Variants in CR1L observed in about 807,000 individuals in gnomAD.
The protein encoded by CR1L is complement C3b/C4b receptor 1 like, also known as complement component receptor 1-like protein.
Under a neutral mutation model 62.3 loss-of-function variants are expected in CR1L, and 59 were observed. That is an observed-to-expected ratio of 0.95 (90% CI 0.77 to 1.18). The LOEUF (loss-of-function observed/expected upper bound fraction) is 1.18. Among genes scored for constraint, CR1L ranks in the 50% most tolerant of loss-of-function variants. CR1L has a pLI of 0.00. For synonymous variants in CR1L, 279 were observed against 248.7 expected (o/e 1.12, Z -1.15); for missense variants, 700 against 702.8 (o/e 1.00, Z 0.04).
Position 207,656,224 on chromosome 1 carries a change from C to A in CR1L, c.97+10894C>A, listed in dbSNP as rs542063411. Among the ~76,000 whole-genome samples, 5 of 151,778 alleles carry A rather than the reference C, an allele frequency of 3.3e-5. No individual in the cohort carries two copies. The South Asian group carries it at 8.4e-4, about 25-fold the overall frequency. On this transcript the variant is annotated intron_variant, in intron 1 of 11. Coordinates refer to ENST00000508064, the MANE Select transcript of CR1L (RefSeq NM_175710.2). Reference sequence around the variant, plus strand: ...CTGCACTCCAGCCTGGGCGACAGAGCGAGATTCCGTCTCAAAATCAATCAA... The same window carrying A: ...CTGCACTCCAGCCTGGGCGACAGAGAGAGATTCCGTCTCAAAATCAATCAA...
Position 207,670,555 on chromosome 1 carries a change from A to G in CR1L, c.98-6834A>G, listed in dbSNP as rs1048760316. Among the ~76,000 whole-genome samples the G allele has an allele frequency of 3.7e-4, 56 of 150,826 alleles. 4 individuals carry two copies. The highest frequency in any genetic ancestry group is 1.4e-3 in the African/African-American group (56 of 40,196). ...CTGGCAACATCTCACTTGAAGTGAC[A>G]GTTTTGGTTGTTTTGGTCCTGTCTC... is the stretch of plus-strand genomic sequence containing the variant. On this transcript the variant is annotated intron_variant, in intron 1 of 11. Transcript: ENST00000508064.
intron 1 of CR1L, among the ~76,000 whole-genome samples, chr1:207,647,237 G>C (rs746510621): frequency 2.6e-5 from 4 of 152,170 alleles, no homozygotes; most frequent in Admixed American, 6.5e-5. Context: ...ACAAATGACT[G>C]GGGGGAGGGA....
intron 10 of CR1L, chr1:207,709,260 TG>T (rs60661991): frequency 0.028 from 4,440 of 158,634 alleles, 208 homozygotes; most frequent in African/African-American, 0.1. Flanking sequence ...AAAAATTAAA[TG>T]GGCATACTGG....
chr1:207,672,312 G>T (rs1663626469), intron 1 of CR1L, among the ~76,000 whole-genome samples: 1 of 150,386 alleles, frequency 6.6e-6, no homozygotes, highest in African/African-American at 2.5e-5. Context: ...TGATAAAGGG[G>T]CTAATTCTCC....
intron 9 of CR1L, among the ~76,000 whole-genome samples, chr1:207,702,567 G>A (rs571876206): frequency 2.6e-5 from 4 of 152,196 alleles, no homozygotes; most frequent in Non-Finnish European, 4.4e-5. Flanking sequence ...GAGTTGCAAA[G>A]GCAAAGCAAA....
chr1:207,684,526 A>G (rs1345513587), intron 4 of CR1L, among the ~76,000 whole-genome samples: 1 of 152,238 alleles, frequency 6.6e-6, no homozygotes, highest in African/African-American at 2.4e-5. Context: ...TAACCTAAAT[A>G]TTTTAAACTA....
chr1:207,669,632 C>A, intron 1 of CR1L: 1 of 992,744 alleles, frequency 1.0e-6, no homozygotes, highest in South Asian at 1.5e-5. Flanking sequence ...GCAGAGAACT[C>A]GCGTGCCGCG....
At chr1:207,693,569 G>C (rs767090736) in intron 4 of CR1L, among the ~76,000 whole-genome samples, 48 of 152,280 alleles carry the variant, frequency 3.2e-4, no homozygotes, top group Middle Eastern at 3.4e-3. Context: ...TGGTCTGTAT[G>C]TTTAACATGC....
chr1:207,713,360 G>T (rs1402264885), intron 10 of CR1L, among the ~76,000 whole-genome samples: 1 of 152,232 alleles, frequency 6.6e-6, no homozygotes, highest in African/African-American at 2.4e-5. Context: ...AATAGTGTAT[G>T]AATAACTATG....
intron 1 of CR1L, among the ~76,000 whole-genome samples, chr1:207,663,034 G>A (rs1663450079): frequency 1.3e-5 from 2 of 152,312 alleles, no homozygotes; most frequent in Admixed American, 6.5e-5. Context: ...TACCCGCTGT[G>A]TGAGGTGTCA....
rs567466486 is a variant in CR1L at position 207,676,143 on chromosome 1, A to G, written c.98-1246A>G. 3.3e-5 allele frequency among the ~76,000 whole-genome samples: 5 copies of G among 152,342 alleles called. No individual in the cohort carries two copies. The South Asian group carries it at 1.0e-3, about 32-fold the overall frequency. ...CTACAACACAGGCACTTACTGATTA[A>G]CTAAAATTTGAAGCTGTGAATTGCA... On this transcript the variant is annotated intron_variant, in intron 1 of 11. Transcript: ENST00000508064.
At chr1:207,708,058 G>A (rs1664296848) in intron 9 of CR1L, 120 bp from the exon 10 acceptor site, 5 of 1,221,840 alleles carry the variant, frequency 4.1e-6, no homozygotes, top group South Asian at 2.6e-5. Flanking sequence ...AATAGGTAAA[G>A]TTTAGGCTAG....
At chr1:207,649,385 C>T (rs1054138850) in intron 1 of CR1L, among the ~76,000 whole-genome samples, 1 of 152,204 alleles carries the variant, frequency 6.6e-6, no homozygotes, top group Non-Finnish European at 1.5e-5. Context: ...ACAGGCTTGT[C>T]AGGAATAAAC....
intron 1 of CR1L, chr1:207,652,750 C>CTTTTTTTTTTTT: frequency 1.5e-6 from 1 of 659,104 alleles, no homozygotes. Context: ...ATAAACTAGC[C>CTTTTTTTTTTTT]TTTTTTTTTT....
chr1:207,699,712 C>G (rs1372699912), intron 8 of CR1L, among the ~76,000 whole-genome samples: 1 of 151,896 alleles, frequency 6.6e-6, no homozygotes, highest in African/African-American at 2.4e-5. Context: ...TTTGATAATA[C>G]TCAAGTATCA....
chr1:207,660,556 T>C (rs1663403644), intron 1 of CR1L, among the ~76,000 whole-genome samples: 1 of 152,260 alleles, frequency 6.6e-6, no homozygotes. Context: ...TTAGTCTTGC[T>C]AGCAGTCTAT....
At chr1:207,677,291 G>A (rs1348256738) in intron 1 of CR1L, 98 bp from the exon 2 acceptor site, 15 of 1,174,494 alleles carry the variant, frequency 1.3e-5, no homozygotes, top group Non-Finnish European at 1.2e-5. Context: ...CTGGGTGACA[G>A]AGGGAGACTC....
At chr1:207,719,870 T>C (rs1371958495) in intron 11 of CR1L, among the ~76,000 whole-genome samples, 1 of 152,190 alleles carries the variant, frequency 6.6e-6, no homozygotes, top group Non-Finnish European at 1.5e-5. Flanking sequence ...GACCACAGAA[T>C]GGGGTAGCCT....
chr1:207,656,182 G>A (rs1272671810), intron 1 of CR1L, among the ~76,000 whole-genome samples: 1 of 152,164 alleles, frequency 6.6e-6, no homozygotes, highest in Non-Finnish European at 1.5e-5. Context: ...AGCTTGCAGC[G>A]AGCCGAGATC....
Sources: allele counts gnomAD v4.1 joint callset (sites outside exome capture counted in the v4.1 genomes callset), GRCh38; gene constraint gnomAD v4.1.1; transcripts MANE v1.5; gene names NCBI Gene and HGNC (gene_info 2026-07-23, HGNC 2026-07-21).